TARBP1: variants seen among roughly 807,000 people sequenced by gnomAD.
TARBP1 encodes tRNA (guanosine(18)-2'-O)-methyltransferase TARBP1.
TARBP1 carries 144 observed loss-of-function variants against 178.6 expected under a neutral mutation model. That is an observed-to-expected ratio of 0.81 (90% CI 0.70 to 0.93). The LOEUF is 0.93. Among genes scored for constraint, TARBP1 ranks in the 40% least tolerant of loss-of-function variants. The probability of loss-of-function intolerance (pLI) is 0.00; values close to 1 mark genes in which losing one functional copy is unlikely to be tolerated. For synonymous variants in TARBP1, 787 were observed against 781.0 expected (o/e 1.01, Z -0.13); for missense variants, 2,067 against 2,011.7 (o/e 1.03, Z -0.53).
At chr1:234,450,350 C>G in intron 10 of TARBP1, 78 bp downstream of exon 10, 1 of 1,178,486 alleles carries the variant, frequency 8.5e-7, no homozygotes, top group Admixed American at 2.8e-5. Flanking sequence ...AAGCCTAACT[C>G]TCAGTCTGAA....
chr1:234,428,806 A>G (rs761941659), intron 17 of TARBP1, among the ~76,000 whole-genome samples: 5 of 152,180 alleles, frequency 3.3e-5, no homozygotes, highest in Non-Finnish European at 7.4e-5. Flanking sequence ...TCAGCCTCTC[A>G]AAGTGGTGGG....
intron 3 of TARBP1, 127 bp from the exon 4 acceptor site, chr1:234,467,777 T>C: frequency 9.5e-7 from 1 of 1,051,192 alleles, no homozygotes; most frequent in Non-Finnish European, 1.3e-6. Context: ...AAGTTTTTGT[T>C]ACTGTTTTTT....
chr1:234,393,817 C>T lies in TARBP1; in HGVS notation c.4264G>A (p.Asp1422Asn). ...QDIGTNLVEA[D>N]NQAEWTDVQK... ...ACGTCGGTCCACTCCGCTTGGTTAT[C>T]TGCTTCGACCAAATTAGTACCTGGG... Residue 1422 changes from aspartate to asparagine, a missense_variant, in exon 27 of 30, where the codon GAT becomes AAT. By Grantham distance (23) the Asp-to-Asn change is conservative. Transcript: ENST00000040877. The T allele has an allele frequency of 1.9e-6, 3 of 1,610,868 alleles. No individual in the cohort carries two copies. The highest frequency in any genetic ancestry group is 2.5e-6 in the Non-Finnish European group (3 of 1,178,156).
intron 22 of TARBP1, among the ~76,000 whole-genome samples, chr1:234,411,244 T>C (rs1385074712): frequency 6.6e-6 from 1 of 152,214 alleles, no homozygotes; most frequent in African/African-American, 2.4e-5. Context: ...AGCATGTACA[T>C]TGTACTAGAC....
chr1:234,475,202 T>C (rs1228637905), intron 1 of TARBP1, among the ~76,000 whole-genome samples: 1 of 152,136 alleles, frequency 6.6e-6, no homozygotes, highest in East Asian at 1.9e-4. Flanking sequence ...CAGGACTAAC[T>C]AGAGAGGCCC....
In TARBP1 at chr1:234,395,334, A is replaced by G. The variant is rs1242091761; in HGVS notation, c.4244-1497T>C. ...TTTAGAAAAATCTCTTTTAATAGCTATGTGGAGGCTAGAAAACCATTAAGG... is the reference window on the plus strand; with the variant it reads ...TTTAGAAAAATCTCTTTTAATAGCTGTGTGGAGGCTAGAAAACCATTAAGG... On this transcript the variant is annotated intron_variant, in intron 26 of 29. Transcript: ENST00000040877. Among the ~76,000 whole-genome samples, 8 of 152,230 alleles carry G rather than the reference A, an allele frequency of 5.3e-5. 1 individual carries two copies. The highest frequency in any genetic ancestry group is 1.0e-4 in the Non-Finnish European group (7 of 68,032).
Position 234,391,556 on chromosome 1 carries a change from C to T in TARBP1, c.*21G>A, listed in dbSNP as rs766859999. ...TTTAAAAAAGTCTGAACAGCAGCAG[C>T]AGTTCACTAAGGAAGGCACATCATG... On this transcript the variant is annotated 3_prime_UTR_variant, in exon 30 of 30. Transcript: ENST00000040877. 1 of 1,575,320 alleles carries T rather than the reference C, an allele frequency of 6.3e-7. No homozygotes were observed. Among genetic ancestry groups the T allele is most frequent in the Non-Finnish European group, 8.6e-7 (1 of 1,157,330 alleles).
At chr1:234,419,136 G>A (rs532879555) in intron 21 of TARBP1, among the ~76,000 whole-genome samples, 2 of 151,928 alleles carry the variant, frequency 1.3e-5, no homozygotes, top group African/African-American at 2.4e-5. Flanking sequence ...TCGTGCCACT[G>A]CACTCCAGCC....
chr1:234,455,898 T>C (rs1332261692), intron 9 of TARBP1, among the ~76,000 whole-genome samples: 1 of 151,554 alleles, frequency 6.6e-6, no homozygotes, highest in African/African-American at 2.4e-5. Context: ...AGGACAATAA[T>C]AGACAATTCA....
At chr1:234,393,288 C>G (rs1297006700) in intron 28 of TARBP1, 74 bp downstream of exon 28, 1 of 1,324,518 alleles carries the variant, frequency 7.5e-7, no homozygotes, top group East Asian at 2.6e-5. Context: ...TTTTTTTAAA[C>G]TTTTATTTTA....
intron 4 of TARBP1, 146 bp downstream of exon 4, chr1:234,467,356 T>C (rs1668552208): frequency 1.3e-6 from 1 of 798,378 alleles, no homozygotes; most frequent in South Asian, 3.0e-5. Flanking sequence ...ACATAAGCTT[T>C]TTCCAAATAG....
intron 25 of TARBP1, among the ~76,000 whole-genome samples, chr1:234,399,122 A>T (rs1471361190): frequency 6.6e-6 from 1 of 152,254 alleles, no homozygotes; most frequent in East Asian, 1.9e-4. Flanking sequence ...AACACGGCAT[A>T]GTCTGACACC....
At chr1:234,457,997 T>A (rs1667450623) in intron 8 of TARBP1, among the ~76,000 whole-genome samples, 1 of 143,022 alleles carries the variant, frequency 7.0e-6, no homozygotes. Context: ...TTAAAGACAG[T>A]CACAATCTTA....
rs1325504743 is a variant in TARBP1, at chr1:234,472,853, A to AAT, written c.932-44_932-43dup. On this transcript the variant is annotated intron_variant, in intron 1 of 29. Coordinates refer to ENST00000040877, the MANE Select transcript of TARBP1 (RefSeq NM_005646.4). ...AAGAAAATTAGTTCTTCCTTTTGCA[A>AAT]ATTTCATAAGTTTCTCAATGACAGC... 5 of 1,448,890 alleles carry AAT rather than the reference A, an allele frequency of 3.5e-6. No individual in the cohort carries two copies. The South Asian group carries it at 6.2e-5, about 18-fold the overall frequency. 89.8% of individuals were successfully genotyped at this position (1,448,890 alleles called of 1,614,324 possible). A position where few individuals can be genotyped will look rare whatever the true frequency, so the allele number is the denominator to read the frequency against.
At chr1:234,392,374 T>C (rs751008036) in intron 29 of TARBP1, 42 bp downstream of exon 29, 1 of 1,591,122 alleles carries the variant, frequency 6.3e-7, no homozygotes, top group Non-Finnish European at 8.5e-7. Context: ...TCCAGTAGTC[T>C]GGGGCTCAGA....
rs890603111 is a variant in TARBP1, at chr1:234,456,044, T to C, written c.1722+1623A>G. ...TAACATGCTGATACATTTGGTATTG[T>C]ATCACTGTAGATAAAGTGGATGTCC... is the stretch of plus-strand genomic sequence containing the variant. On this transcript the variant is annotated intron_variant, in intron 9 of 29. Transcript: ENST00000040877. Among the ~76,000 whole-genome samples the C allele has an allele frequency of 3.3e-5, 5 of 152,250 alleles. No homozygotes were observed. The East Asian group carries it at 7.7e-4, about 23-fold the overall frequency.
chr1:234,460,209 G>A, intron 7 of TARBP1, 52 bp downstream of exon 7: 1 of 1,545,858 alleles, frequency 6.5e-7, no homozygotes. Context: ...TATATATATT[G>A]ATGGAAAGTC....
chr1:234,439,977 C>A (rs182094445), intron 12 of TARBP1, among the ~76,000 whole-genome samples: 68 of 152,228 alleles, frequency 4.5e-4, no homozygotes, highest in African/African-American at 1.5e-3. Flanking sequence ...GAAACATTCA[C>A]CAAGATAGGC....
intron 9 of TARBP1, among the ~76,000 whole-genome samples, chr1:234,457,409 A>C (rs945701887): frequency 2.0e-5 from 3 of 152,198 alleles, no homozygotes; most frequent in Admixed American, 6.5e-5. Flanking sequence ...TCCAGAGTTG[A>C]GATCTGCCCA....
Sources: gnomAD v4.1 joint callset for allele counts (sites outside exome capture counted in the v4.1 genomes callset) on GRCh38, gnomAD v4.1.1 for gene constraint, MANE v1.5 for transcripts, NCBI Gene and HGNC (gene_info 2026-07-23, HGNC 2026-07-21) for gene names.